ARID4B: variants seen among roughly 807,000 people sequenced by gnomAD.
The protein encoded by ARID4B is AT-rich interactive domain-containing protein 4B.
ARID4B carries 26 observed loss-of-function variants against 147.5 expected under a neutral mutation model. That is an observed-to-expected ratio of 0.18 (90% CI 0.13 to 0.24). The LOEUF (loss-of-function observed/expected upper bound fraction) is 0.24. Among genes scored for constraint, ARID4B ranks in the 10% least tolerant of loss-of-function variants. The pLI, the probability that ARID4B is intolerant of heterozygous loss-of-function variation, is 1.00. For missense variants in ARID4B, 1,179 were observed against 1,511.5 expected (o/e 0.78, Z 3.65); for synonymous variants, 512 against 507.9 (o/e 1.01, Z -0.11).
chr1:235,236,838 A>ATATATATATATGTGTGTGTG (rs1668611911), intron 8 of ARID4B, among the ~76,000 whole-genome samples: 1 of 27,894 alleles, frequency 3.6e-5, no homozygotes, highest in African/African-American at 1.1e-4. Context: ...TAAAAAATAT[A>ATATATATATATGTGTGTGTG]TATATATATA....
intron 2 of ARID4B, among the ~76,000 whole-genome samples, chr1:235,274,557 A>C (rs567029737): frequency 5.9e-5 from 9 of 152,208 alleles, no homozygotes; most frequent in Admixed American, 1.3e-4. Context: ...AATAAAGTAT[A>C]TACCTTTTGA....
chr1:235,285,867 CAG>C (rs1671936231), intron 2 of ARID4B, among the ~76,000 whole-genome samples: 1 of 152,152 alleles, frequency 6.6e-6, no homozygotes, highest in Non-Finnish European at 1.5e-5. Flanking sequence ...AGAGATCTGG[CAG>C]AGAGTTCTCA....
chr1:235,194,202 C>T lies in ARID4B; in HGVS notation c.1936G>A (p.Asp646Asn). Residue 646 changes from aspartate to asparagine, a missense_variant, in exon 19 of 24, where the codon GAC (aspartate) becomes AAC (asparagine). Coordinates refer to ENST00000264183, the MANE Select transcript of ARID4B (RefSeq NM_016374.6). ...TTTTCATCTTTGTCTTTTTCTTTGT[C>T]TAATTTATTCTAGGTTAAGAAAAAA... ...KHRKKIKNKL[D>N]KEKDKDEKYS... 6.2e-7 allele frequency: 1 copy of T among 1,601,790 alleles called. No homozygotes were observed. Among genetic ancestry groups the T allele is most frequent in the Non-Finnish European group, 8.5e-7 (1 of 1,169,606 alleles).
chr1:235,255,260 T>C (rs1221557785), intron 5 of ARID4B, among the ~76,000 whole-genome samples: 2 of 124,606 alleles, frequency 1.6e-5, no homozygotes, highest in South Asian at 3.0e-4. Context: ...GATAGATAGA[T>C]AGATATATAT....
intron 16 of ARID4B, among the ~76,000 whole-genome samples, chr1:235,214,709 AC>A (rs1386363297): frequency 2.0e-5 from 3 of 152,130 alleles, no homozygotes; most frequent in Non-Finnish European, 4.4e-5. Context: ...TACTCTCATT[AC>A]CACAGATTTA....
At chr1:235,240,611 A>C in intron 7 of ARID4B, 160 bp from the exon 8 acceptor site, 1 of 685,964 alleles carries the variant, frequency 1.5e-6, no homozygotes, top group Non-Finnish European at 2.4e-6. Context: ...AAAAAATAAC[A>C]GCAAGAGTTT....
intron 7 of ARID4B, 159 bp from the exon 8 acceptor site, chr1:235,240,610 C>T: frequency 1.5e-6 from 1 of 689,094 alleles, no homozygotes; most frequent in Non-Finnish European, 2.4e-6. Context: ...TAAAAAATAA[C>T]AGCAAGAGTT....
chr1:235,303,121 C>T (rs1673302147), intron 2 of ARID4B, among the ~76,000 whole-genome samples: 1 of 151,774 alleles, frequency 6.6e-6, no homozygotes, highest in Non-Finnish European at 1.5e-5. Flanking sequence ...GACAGGGTTT[C>T]ACCGTGTTAG....
At chr1:235,281,133 G>C (rs1671646549) in intron 2 of ARID4B, among the ~76,000 whole-genome samples, 1 of 145,566 alleles carries the variant, frequency 6.9e-6, no homozygotes, top group Non-Finnish European at 1.5e-5. Context: ...TTTAAAGTGA[G>C]CAGGAGGGTT....
intron 19 of ARID4B, among the ~76,000 whole-genome samples, chr1:235,193,245 A>G (rs1284368777): frequency 6.6e-6 from 1 of 152,124 alleles, no homozygotes; most frequent in African/African-American, 2.4e-5. Context: ...AACAATATAA[A>G]TATTAGCCGG....
In ARID4B at chr1:235,168,723, T is replaced by C. The variant is rs964452447; in HGVS notation, c.3812-71A>G. The C allele has an allele frequency of 3.4e-6, 5 of 1,487,918 alleles. No individual in the cohort carries two copies. In the African/African-American group the frequency reaches 4.2e-5, roughly 13 times the overall value. 92.2% of individuals were successfully genotyped at this position (1,487,918 alleles called of 1,614,324 possible). The stretch of plus-strand genomic sequence containing the variant: ...TCTAACAATAGACAGAAAATACTAG[T>C]CCTCTGAACTAAAATTCCGCTATAT... On this transcript the variant is annotated intron_variant, in intron 23 of 23. Coordinates refer to ENST00000264183, the MANE Select transcript of ARID4B (RefSeq NM_016374.6).
At chr1:235,326,833 C>T (rs769938862) in intron 2 of ARID4B, 81 bp downstream of exon 2, 2 of 1,549,318 alleles carry the variant, frequency 1.3e-6, no homozygotes, top group Non-Finnish European at 1.8e-6. Flanking sequence ...AACTCGGAAG[C>T]CCCACACGAC....
At chr1:235,222,083 A>C (rs1667512217) in intron 13 of ARID4B, among the ~76,000 whole-genome samples, 1 of 151,628 alleles carries the variant, frequency 6.6e-6, no homozygotes, top group African/African-American at 2.4e-5. Context: ...CTAATTAAAA[A>C]ATTTTTTTTG....
chr1:235,185,209 T>C (rs994814860), intron 19 of ARID4B, among the ~76,000 whole-genome samples: 1 of 152,200 alleles, frequency 6.6e-6, no homozygotes, highest in African/African-American at 2.4e-5. Context: ...TTTCTATATA[T>C]AGTTATCTTT....
At chr1:235,282,866 C>A (rs187365371) in intron 2 of ARID4B, among the ~76,000 whole-genome samples, 1 of 152,122 alleles carries the variant, frequency 6.6e-6, no homozygotes, top group African/African-American at 2.4e-5. Context: ...CTGCAACCTC[C>A]GCCTACCGGG....
At chr1:235,205,488 A>G (rs1408019731) in intron 17 of ARID4B, among the ~76,000 whole-genome samples, 1 of 152,244 alleles carries the variant, frequency 6.6e-6, no homozygotes, top group Non-Finnish European at 1.5e-5. Flanking sequence ...TAGAACAACA[A>G]TGTAAACATT....
rs189593386 is a variant in ARID4B, at chr1:235,207,099, C to A, written c.1841+6670G>T. 2.6e-5 allele frequency among the ~76,000 whole-genome samples: 4 copies of A among 152,282 alleles called. No individual in the cohort carries two copies. In the East Asian group the frequency reaches 7.7e-4, roughly 29 times the overall value. On this transcript the variant is annotated intron_variant, in intron 17 of 23. Transcript: ENST00000264183. ...AAAGATGAAAACACAGAGAATGTGG[C>A]AGCAAACGCAGTTAGGTAGGCAGAT...
chr1:235,273,860 T>C (rs1377419129), intron 2 of ARID4B, among the ~76,000 whole-genome samples: 5 of 152,242 alleles, frequency 3.3e-5, no homozygotes, highest in African/African-American at 9.6e-5. Flanking sequence ...TTTCCCTATG[T>C]AAACTAGTAC....
At chr1:235,231,286 T>C in intron 9 of ARID4B, 97 bp from the exon 10 acceptor site, 1 of 653,812 alleles carries the variant, frequency 1.5e-6, no homozygotes, top group South Asian at 2.4e-5. Flanking sequence ...AGAAAGATAC[T>C]GAAAATATGG....
Sources: allele counts gnomAD v4.1 joint callset (sites outside exome capture counted in the v4.1 genomes callset), GRCh38; gene constraint gnomAD v4.1.1; transcripts MANE v1.5; gene names NCBI Gene and HGNC (gene_info 2026-07-23, HGNC 2026-07-21).